The following SYNPR variants were observed in gnomAD, a reference collection of about 807,000 sequenced individuals.
The protein encoded by SYNPR is synaptoporin.
SYNPR carries 23 observed loss-of-function variants against 32.9 expected under a neutral mutation model. That is an observed-to-expected ratio of 0.70 (90% CI 0.50 to 0.99). SYNPR has a LOEUF of 0.99. Ranked by LOEUF, SYNPR falls within the 50% of genes least tolerant of loss-of-function variation. The pLI, the probability that SYNPR is intolerant of heterozygous loss-of-function variation, is 0.00. For missense variants in SYNPR, 318 were observed against 349.3 expected (o/e 0.91, Z 0.71); for synonymous variants, 146 against 135.9 (o/e 1.07, Z -0.52).
chr3:63,265,583 T>C (rs551830298), intron 2 of SYNPR, among the ~76,000 whole-genome samples: 107 of 152,352 alleles, frequency 7.0e-4, no homozygotes, highest in African/African-American at 2.6e-3. Context: ...AATGTATACC[T>C]TTTAACAAAA....
intron 1 of SYNPR, among the ~76,000 whole-genome samples, chr3:63,232,443 T>C (rs1483032427): frequency 6.6e-6 from 1 of 152,166 alleles, no homozygotes; most frequent in Non-Finnish European, 1.5e-5. Context: ...CCTCAAGTGA[T>C]CCGCCTTCCT....
At chr3:63,516,863 T>C (rs1479861343) in intron 3 of SYNPR, among the ~76,000 whole-genome samples, 1 of 152,164 alleles carries the variant, frequency 6.6e-6, no homozygotes, top group African/African-American at 2.4e-5. Flanking sequence ...GTGGTTCATG[T>C]TTTCATTAGA....
chr3:63,329,581 C>A (rs1201296657), intron 2 of SYNPR, among the ~76,000 whole-genome samples: 1 of 152,168 alleles, frequency 6.6e-6, no homozygotes, highest in African/African-American at 2.4e-5. Context: ...GAGGACTATG[C>A]TCTCTGATGA....
At chr3:63,492,097 C>G (rs1363091922) in intron 3 of SYNPR, among the ~76,000 whole-genome samples, 1 of 152,068 alleles carries the variant, frequency 6.6e-6, no homozygotes, top group African/African-American at 2.4e-5. Context: ...AGATGTTCAC[C>G]AAAGCAACAA....
intron 3 of SYNPR, among the ~76,000 whole-genome samples, chr3:63,548,477 T>A (rs574925143): frequency 7.9e-4 from 121 of 152,250 alleles, no homozygotes; most frequent in Non-Finnish European, 1.5e-3. Context: ...GCTGAGTAAG[T>A]AAGAGTGTAT....
At chr3:63,393,798 G>A (rs1170803324) in intron 2 of SYNPR, among the ~76,000 whole-genome samples, 4 of 151,984 alleles carry the variant, frequency 2.6e-5, no homozygotes, top group African/African-American at 7.2e-5. Context: ...GGTGTGAGCC[G>A]CAGTGGCTTG....
upstream of SYNPR, among the ~76,000 whole-genome samples, chr3:63,226,504 TG>T (rs1169544563): frequency 3.3e-5 from 5 of 152,146 alleles, no homozygotes; most frequent in Non-Finnish European, 5.9e-5. Flanking sequence ...ATATACACAA[TG>T]GAATACTATT....
chr3:63,272,286 G>T (rs561064116), intron 3 of SYNPR, among the ~76,000 whole-genome samples: 1 of 152,242 alleles, frequency 6.6e-6, no homozygotes, highest in South Asian at 2.1e-4. Flanking sequence ...GAAACTGAAC[G>T]ACAAGAGGGT....
intron 2 of SYNPR, among the ~76,000 whole-genome samples, chr3:63,466,012 T>C (rs555425582): frequency 6.6e-6 from 1 of 152,332 alleles, no homozygotes; most frequent in Non-Finnish European, 1.5e-5. Context: ...ACCCAGGTGT[T>C]AACCCTAGTA....
chr3:63,332,007 T>G (rs1018943054), intron 2 of SYNPR, among the ~76,000 whole-genome samples: 1 of 152,228 alleles, frequency 6.6e-6, no homozygotes, highest in Non-Finnish European at 1.5e-5. Flanking sequence ...TGTCTTCGAC[T>G]GGTAGGCAGT....
At chr3:63,306,678 G>A (rs1294120730) in intron 2 of SYNPR, among the ~76,000 whole-genome samples, 2 of 152,072 alleles carry the variant, frequency 1.3e-5, no homozygotes, top group Admixed American at 6.6e-5. Flanking sequence ...ATCAATCAAA[G>A]CTCTCTCTCC....
intron 2 of SYNPR, among the ~76,000 whole-genome samples, chr3:63,420,475 T>C (rs1287871008): frequency 2.6e-5 from 4 of 152,180 alleles, no homozygotes; most frequent in African/African-American, 9.6e-5. Flanking sequence ...CTACTTGATA[T>C]GTAGACCTGA....
At chr3:63,223,694 G>A (rs977269577), upstream of SYNPR, among the ~76,000 whole-genome samples, 1 of 152,178 alleles carries the variant, frequency 6.6e-6, no homozygotes, top group Non-Finnish European at 1.5e-5. Context: ...CATGTTATAT[G>A]TGCTATGCAG....
At chr3:63,494,420 T>TATATATACACACAC (rs1701322145) in intron 3 of SYNPR, among the ~76,000 whole-genome samples, 4 of 48,030 alleles carry the variant, frequency 8.3e-5, no homozygotes, top group Admixed American at 2.3e-4. Context: ...TATATATACG[T>TATATATACACACAC]ATATATATAT....
intron 1 of SYNPR, among the ~76,000 whole-genome samples, chr3:63,247,115 G>A (rs996250068): frequency 6.6e-6 from 1 of 151,924 alleles, no homozygotes; most frequent in Non-Finnish European, 1.5e-5. Flanking sequence ...ATTGTGCTGA[G>A]TTCAATAAAT....
At chr3:63,480,662 C>T (rs1189152951) in intron 2 of SYNPR, among the ~76,000 whole-genome samples, 170 bp from the exon 3 acceptor site, 4 of 152,166 alleles carry the variant, frequency 2.6e-5, no homozygotes, top group African/African-American at 7.2e-5. Flanking sequence ...CACCATGTCC[C>T]CAGTCCTCAC....
chr3:63,450,676 A>T (rs1211968319), intron 2 of SYNPR, among the ~76,000 whole-genome samples: 1 of 152,184 alleles, frequency 6.6e-6, no homozygotes, highest in Non-Finnish European at 1.5e-5. Flanking sequence ...GATGCAGAGC[A>T]TGTACTCCTA....
intron 2 of SYNPR, among the ~76,000 whole-genome samples, chr3:63,371,795 C>T (rs992055113): frequency 6.6e-5 from 10 of 152,214 alleles, no homozygotes; most frequent in Non-Finnish European, 1.3e-4. Context: ...TAGTCGGAGG[C>T]GGTTCTACAT....
At chr3:63,614,124 C>T (rs1326594090) in intron 5 of SYNPR, among the ~76,000 whole-genome samples, 2 of 152,240 alleles carry the variant, frequency 1.3e-5, no homozygotes, top group Non-Finnish European at 2.9e-5. Flanking sequence ...CAGCACCCTA[C>T]TCCAGGACCG....
Sources: allele counts gnomAD v4.1 joint callset (sites outside exome capture counted in the v4.1 genomes callset), GRCh38; gene constraint gnomAD v4.1.1; transcripts MANE v1.5; gene names NCBI Gene and HGNC (gene_info 2026-07-23, HGNC 2026-07-21).